The following ARID1B variants were observed in gnomAD, a reference collection of about 807,000 sequenced individuals.
The protein encoded by ARID1B is AT-rich interaction domain 1B.
Under a neutral mutation model 212.3 loss-of-function variants are expected in ARID1B, and 30 were observed. The ratio of observed to expected loss-of-function variants is 0.14; its 90% CI spans 0.11 to 0.19. The LOEUF is 0.19. ARID1B is among the 10% of genes least tolerant of loss of function. ARID1B has a pLI of 1.00. For synonymous variants in ARID1B, 1,402 were observed against 1,301.7 expected, an observed-to-expected ratio of 1.08 and a Z score of -1.66; for missense variants, 2,891 against 3,204.0, an observed-to-expected ratio of 0.90 and a Z score of 2.36.
chr6:156,918,760 T>A (rs1401930364), intron 3 of ARID1B, among the ~76,000 whole-genome samples: 2 of 151,992 alleles, frequency 1.3e-5, no homozygotes, highest in Non-Finnish European at 2.9e-5. Context: ...TTGGGGCCGG[T>A]TTTGGGAGCA....
chr6:157,160,432 T>C (rs1346249352), intron 8 of ARID1B, among the ~76,000 whole-genome samples: 2 of 152,178 alleles, frequency 1.3e-5, no homozygotes, highest in Non-Finnish European at 2.9e-5. Flanking sequence ...CCAAATCCTG[T>C]CCGTTTCACC....
intron 4 of ARID1B, among the ~76,000 whole-genome samples, chr6:156,968,682 G>T (rs1562518156): frequency 6.6e-6 from 1 of 152,228 alleles, no homozygotes; most frequent in East Asian, 1.9e-4. Context: ...GTCTGCTGGG[G>T]TTAGTTGGAT....
chr6:156,913,386 T>G (rs1323626822), intron 3 of ARID1B, among the ~76,000 whole-genome samples: 1 of 151,848 alleles, frequency 6.6e-6, no homozygotes, highest in African/African-American at 2.4e-5. Context: ...CTGGCAAATT[T>G]TTTTATATTT....
At chr6:156,795,011 A>G (rs1231002287) in intron 1 of ARID1B, among the ~76,000 whole-genome samples, 1 of 152,142 alleles carries the variant, frequency 6.6e-6, no homozygotes, top group African/African-American at 2.4e-5. Flanking sequence ...ACATCACCAG[A>G]CATTAATTTA....
At position 157,174,001 on chromosome 6, in the gene ARID1B, C is replaced by T. The variant is rs1791903110; in HGVS notation, c.3236-7C>T. ...AATCCTAAACTCTTTCTCCTGTTTT[C>T]GATTAGCATCTGTGGGTCTTGCAGA... On this transcript the variant is annotated splice_polypyrimidine_tract_variant and splice_region_variant and intron_variant, in intron 9 of 19. Transcript: ENST00000636930. The T allele has an allele frequency of 1.9e-6, 3 of 1,611,084 alleles. No individual in the cohort carries two copies. Among genetic ancestry groups the T allele is most frequent in the Non-Finnish European group, 2.5e-6 (3 of 1,177,256 alleles).
chr6:156,823,126 C>T (rs759579468), intron 1 of ARID1B, among the ~76,000 whole-genome samples: 4 of 152,094 alleles, frequency 2.6e-5, no homozygotes, highest in Non-Finnish European at 5.9e-5. Flanking sequence ...CGTTACCTGA[C>T]ATGTCTTCTC....
chr6:156,839,044 C>T (rs1783714205), intron 2 of ARID1B, among the ~76,000 whole-genome samples: 1 of 152,128 alleles, frequency 6.6e-6, no homozygotes, highest in African/African-American at 2.4e-5. Context: ...ATAGGGCCTG[C>T]CTTCTTTTCT....
At chr6:157,093,000 C>T (rs989629399) in intron 5 of ARID1B, among the ~76,000 whole-genome samples, 13 of 152,202 alleles carry the variant, frequency 8.5e-5, no homozygotes, top group African/African-American at 2.7e-4. Flanking sequence ...TGAACCTCTG[C>T]TCAGCTGAGT....
chr6:157,004,903 T>TGTTTTTTTTTTG (rs1159982323), intron 4 of ARID1B, among the ~76,000 whole-genome samples: 3 of 82,210 alleles, frequency 3.6e-5, no homozygotes, highest in Non-Finnish European at 7.1e-5. Context: ...TTTTCTTTTT[T>TGTTTTTTTTTTG]TTTTTTTTTT....
At chr6:157,188,780 C>A (rs1021186517) in intron 13 of ARID1B, among the ~76,000 whole-genome samples, 1 of 152,146 alleles carries the variant, frequency 6.6e-6, no homozygotes, top group Non-Finnish European at 1.5e-5. Flanking sequence ...CACATGAAAC[C>A]AGTATCTATT....
chr6:156,954,345 A>G (rs778842422), intron 4 of ARID1B, among the ~76,000 whole-genome samples: 4 of 152,146 alleles, frequency 2.6e-5, no homozygotes, highest in Non-Finnish European at 5.9e-5. Flanking sequence ...GAACTGTTGG[A>G]CATTTTGAAA....
At chr6:157,070,327 A>C (rs981485215) in intron 4 of ARID1B, among the ~76,000 whole-genome samples, 4 of 152,160 alleles carry the variant, frequency 2.6e-5, no homozygotes, top group Non-Finnish European at 5.9e-5. Context: ...TTGAATAAAA[A>C]TCTATATTGG....
intron 1 of ARID1B, 81 bp downstream of exon 1, chr6:156,779,552 A>C (rs1779045494): frequency 8.6e-7 from 1 of 1,165,382 alleles, no homozygotes; most frequent in Non-Finnish European, 1.1e-6. Flanking sequence ...TTTGCCGCGT[A>C]CTTTTCCCCG....
rs1483287008 is a variant in ARID1B at position 156,778,369 on chromosome 6, C to G, written c.689C>G (p.Ala230Gly). Residue 230 changes from alanine to glycine, a missense_variant, in exon 1 of 20, where the codon GCG becomes GGG. By Grantham distance (60) the Ala-to-Gly change is moderately conservative. Transcript: ENST00000636930. ...AGCTTGGGCGGCGCGGGCGGCGGCG[C>G]GCCTCAGCCCGGCCCCGACATGGAG... ...NNSLGGAGGG[A>G]PQPGPDMEQP... 1.3e-6 allele frequency: 2 copies of G among 1,532,168 alleles called. No homozygotes were observed. The highest frequency in any genetic ancestry group is 1.7e-6 in the Non-Finnish European group (2 of 1,143,426). The allele number at this position is 1,532,168 out of a possible 1,614,324, so 94.9% of individuals were successfully genotyped here.
chr6:157,119,374 A>T (rs1384110791), intron 6 of ARID1B, among the ~76,000 whole-genome samples: 3 of 152,106 alleles, frequency 2.0e-5, no homozygotes, highest in African/African-American at 7.2e-5. Flanking sequence ...AGGTGCACTG[A>T]TCTGTGCGGT....
At chr6:157,145,486 A>G (rs1372534349) in intron 7 of ARID1B, among the ~76,000 whole-genome samples, 3 of 152,194 alleles carry the variant, frequency 2.0e-5, no homozygotes, top group African/African-American at 4.8e-5. Context: ...CCTGTAGGGA[A>G]TAACACACGC....
chr6:156,914,121 C>T (rs1341141262), intron 3 of ARID1B, among the ~76,000 whole-genome samples: 1 of 148,942 alleles, frequency 6.7e-6, no homozygotes, highest in Non-Finnish European at 1.5e-5. Context: ...ATGGTGCCCC[C>T]TTTCCACTCT....
chr6:157,158,035 T>C (rs772749978), intron 8 of ARID1B, among the ~76,000 whole-genome samples: 49 of 152,150 alleles, frequency 3.2e-4, no homozygotes, highest in Non-Finnish European at 5.9e-4. Flanking sequence ...TAAAAAATAA[T>C]AATAATAACA....
intron 4 of ARID1B, among the ~76,000 whole-genome samples, chr6:157,045,006 A>G (rs1017169768): frequency 2.6e-5 from 4 of 152,238 alleles, no homozygotes; most frequent in Non-Finnish European, 5.9e-5. Context: ...CAATTAGAAC[A>G]GCCATTTTAA....
Sources: allele counts gnomAD v4.1 joint callset (sites outside exome capture counted in the v4.1 genomes callset), GRCh38; gene constraint gnomAD v4.1.1; transcripts MANE v1.5; gene names NCBI Gene and HGNC (gene_info 2026-07-23, HGNC 2026-07-21).